The following KDM5A variants were observed in gnomAD, a reference collection of about 807,000 sequenced individuals.
KDM5A encodes the protein lysine-specific demethylase 5A.
KDM5A carries 42 observed loss-of-function variants against 193.5 expected under a neutral mutation model. The ratio of observed to expected loss-of-function variants is 0.22; its 90% CI spans 0.17 to 0.28. The LOEUF (loss-of-function observed/expected upper bound fraction) is 0.28. KDM5A is among the 10% of genes least tolerant of loss of function. KDM5A has a pLI of 1.00. For synonymous variants in KDM5A, 796 were observed against 718.1 expected (o/e 1.11, Z -1.73); for missense variants, 1,692 against 2,055.1 (o/e 0.82, Z 3.42).
Position 280,379 on chromosome 12 carries a change from C to T in KDM5A, c.*5077G>A. ...ACAATTTTTTTTTTTAATGGACTTG[C>T]CACCTTAAGAAACTTCAAGTGTATC... On this transcript the variant is annotated 3_prime_UTR_variant, in exon 28 of 28. Coordinates refer to ENST00000399788, the MANE Select transcript of KDM5A (RefSeq NM_001042603.3). The T allele has an allele frequency of 4.3e-6, 1 of 232,670 alleles. No homozygotes were observed. The highest frequency in any genetic ancestry group is 8.5e-6 in the Non-Finnish European group (1 of 117,878). The allele number at this position is 232,670 out of a possible 1,614,324, so 14.4% of individuals were successfully genotyped here. A position where few individuals can be genotyped will look rare whatever the true frequency, so the allele number is the denominator to read the frequency against.
intron 8 of KDM5A, among the ~76,000 whole-genome samples, chr12:353,185 A>G (rs1421561767): frequency 6.6e-6 from 1 of 152,118 alleles, no homozygotes; most frequent in Non-Finnish European, 1.5e-5. Context: ...TCTACAAAAA[A>G]TACAAAAATT....
At chr12:323,383 A>G (rs1463180456) in intron 15 of KDM5A, among the ~76,000 whole-genome samples, 177 bp from the exon 16 acceptor site, 1 of 152,208 alleles carries the variant, frequency 6.6e-6, no homozygotes, top group East Asian at 1.9e-4. Context: ...ACACTTCTTA[A>G]TTCAGGGAGA....
At chr12:386,282 TTTTG>T (rs1161950299) in intron 1 of KDM5A, among the ~76,000 whole-genome samples, 1 of 152,260 alleles carries the variant, frequency 6.6e-6, no homozygotes, top group Non-Finnish European at 1.5e-5. Context: ...TACAAAATTC[TTTTG>T]TTTCATATAA....
rs1214281631 is a variant in KDM5A at position 384,084 on chromosome 12, G to A, written c.313C>T (p.Leu105=). ...TTTCTCTCTACCACAGGGATCTTCA[G>A]AGTAGATCCTTGAAGTTCCCAAAAT... is the stretch of plus-strand genomic sequence containing the variant. The part of the protein sequence containing the change: ...AKFWELQGST[L]KIPVVERKIL... The change falls in exon 3 of 28, where the codon CTG becomes TTG. Residue 105 remains leucine, a synonymous_variant. Transcript: ENST00000399788. 1.9e-6 allele frequency: 3 copies of A among 1,610,438 alleles called. No individual in the cohort carries two copies. Among genetic ancestry groups the A allele is most frequent in the Middle Eastern group, 1.7e-4 (1 of 6,058 alleles).
intron 18 of KDM5A, among the ~76,000 whole-genome samples, chr12:319,707 C>G (rs1376850718): frequency 6.6e-6 from 1 of 151,944 alleles, no homozygotes; most frequent in East Asian, 1.9e-4. Context: ...TGAGCCGAGA[C>G]CATACCACTG....
rs566164185 is a variant in KDM5A at position 372,728 on chromosome 12, T to C, written c.367-6624A>G. On this transcript the variant is annotated intron_variant, in intron 3 of 27. Transcript: ENST00000399788. ...ATCCAGTATGATATTGGCTGTGGGT[T>C]TGTCATAAATAGCTCTTATTATTTT... Among the ~76,000 whole-genome samples, 14 of 152,320 alleles carry C rather than the reference T, an allele frequency of 9.2e-5. No individual in the cohort carries two copies. The East Asian group carries it at 1.2e-3, about 13-fold the overall frequency.
Position 362,958 on chromosome 12 carries a change from G to C in KDM5A, c.672+5C>G, listed in dbSNP as rs1944310228. 5 of 1,613,784 alleles carry C rather than the reference G, an allele frequency of 3.1e-6. No individual in the cohort carries two copies. The highest frequency in any genetic ancestry group is 1.7e-5 in the Admixed American group (1 of 60,002). On this transcript the variant is annotated splice_donor_5th_base_variant and intron_variant, in intron 5 of 27. Coordinates refer to ENST00000399788, the MANE Select transcript of KDM5A (RefSeq NM_001042603.3). Reference sequence around the variant, plus strand: ...AAAATTTAAAAAAGCCCAAGACATTGATACCTGAGTCTTCACACGTCTTGT... The same window carrying C: ...AAAATTTAAAAAAGCCCAAGACATTCATACCTGAGTCTTCACACGTCTTGT...
At chr12:376,847 G>C (rs549354018) in intron 3 of KDM5A, among the ~76,000 whole-genome samples, 2 of 152,280 alleles carry the variant, frequency 1.3e-5, no homozygotes, top group East Asian at 1.9e-4. Flanking sequence ...AATAGACCAA[G>C]AAAGGAACCA....
At chr12:289,273 T>G (rs2137359644) in intron 27 of KDM5A, among the ~76,000 whole-genome samples, 1 of 152,224 alleles carries the variant, frequency 6.6e-6, no homozygotes, top group African/African-American at 2.4e-5. Flanking sequence ...TGAGAGAATT[T>G]GATATTTTTT....
At chr12:329,326 C>A (rs1332710819) in intron 13 of KDM5A, among the ~76,000 whole-genome samples, 1 of 152,058 alleles carries the variant, frequency 6.6e-6, no homozygotes, top group Non-Finnish European at 1.5e-5. Flanking sequence ...ATAACTGAGG[C>A]AGCAAACTCT....
chr12:341,379 T>C (rs1230073327), intron 10 of KDM5A, among the ~76,000 whole-genome samples: 1 of 152,206 alleles, frequency 6.6e-6, no homozygotes, highest in African/African-American at 2.4e-5. Flanking sequence ...CATCCTGTTA[T>C]AATCATTCTC....
In KDM5A at chr12:334,537, A is replaced by C. The variant is rs1943902950; in HGVS notation, c.1309-115T>G. ...TATAATATTTATAATAGTCTAGTGCATACAATCTGTGCTCTTTGCTATCCA... is the reference window on the plus strand; with the variant it reads ...TATAATATTTATAATAGTCTAGTGCCTACAATCTGTGCTCTTTGCTATCCA... On this transcript the variant is annotated intron_variant, in intron 10 of 27. Transcript: ENST00000399788. 9 of 745,382 alleles carry C rather than the reference A, an allele frequency of 1.2e-5. No individual in the cohort carries two copies. The Admixed American group carries it at 1.7e-4, about 14-fold the overall frequency. The allele number at this position is 745,382 out of a possible 1,614,324, so 46.2% of individuals were successfully genotyped here.
intron 8 of KDM5A, 69 bp downstream of exon 8, chr12:354,007 A>G: frequency 9.0e-7 from 1 of 1,113,042 alleles, no homozygotes; most frequent in South Asian, 1.3e-5. Flanking sequence ...GAATATGTTT[A>G]TATGTAGGTG....
chr12:331,885 G>C lies in KDM5A; in HGVS notation c.1707C>G (p.Ala569=). The change falls in exon 13 of 28, where the codon GCC becomes GCG. Residue 569 remains alanine, a synonymous_variant. Transcript: ENST00000399788. ...AGCCCTGGTTAAATCCAGAGTGATA[G>C]GCACGAGGAAATGTCACAACAAACT... ...AGEFVVTFPR[A]YHSGFNQGYN... is the part of the protein sequence containing the mutation. 6.2e-7 allele frequency: 1 copy of C among 1,613,998 alleles called. No homozygotes were observed.
chr12:336,722 C>T (rs183369051), intron 10 of KDM5A, among the ~76,000 whole-genome samples: 1 of 151,780 alleles, frequency 6.6e-6, no homozygotes, highest in Non-Finnish European at 1.5e-5. Flanking sequence ...ATGCCTGTGG[C>T]CCCAGATACT....
At chr12:309,129 A>T (rs1943550006) in intron 22 of KDM5A, among the ~76,000 whole-genome samples, 1 of 152,242 alleles carries the variant, frequency 6.6e-6, no homozygotes, top group African/African-American at 2.4e-5. Context: ...GAAACTTAGT[A>T]ACAGGCAAAA....
intron 3 of KDM5A, among the ~76,000 whole-genome samples, chr12:373,614 T>A (rs1242240392): frequency 6.6e-6 from 1 of 152,246 alleles, no homozygotes; most frequent in African/African-American, 2.4e-5. Context: ...TTTCTTGCCT[T>A]CTGCTAGCTT....
intron 11 of KDM5A, 56 bp from the exon 12 acceptor site, chr12:333,705 G>T: frequency 2.0e-6 from 3 of 1,497,606 alleles, no homozygotes; most frequent in South Asian, 1.1e-5. Flanking sequence ...TGAGGCTAGG[G>T]TATCTGATTC....
intron 3 of KDM5A, among the ~76,000 whole-genome samples, chr12:376,619 T>C (rs2137487559): frequency 6.6e-6 from 1 of 152,350 alleles, no homozygotes; most frequent in African/African-American, 2.4e-5. Flanking sequence ...CCCAGTGAGA[T>C]GAACCTGGTA....
Sources: allele counts gnomAD v4.1 joint callset (sites outside exome capture counted in the v4.1 genomes callset), GRCh38; gene constraint gnomAD v4.1.1; transcripts MANE v1.5; gene names NCBI Gene and HGNC (gene_info 2026-07-23, HGNC 2026-07-21).